The following RBM19 variants were observed in gnomAD, a reference collection of about 807,000 sequenced individuals.
RBM19 encodes the protein probable RNA-binding protein 19.
A neutral mutation model predicts 116.8 loss-of-function variants in RBM19; 94 were observed. The observed-to-expected ratio is 0.80, with a 90% CI of 0.68 to 0.95. RBM19 has a LOEUF of 0.95. Ranked by LOEUF, RBM19 falls within the 40% of genes least tolerant of loss-of-function variation. RBM19 has a pLI of 0.00. For synonymous variants in RBM19, 475 were observed against 494.1 expected (o/e 0.96, Z 0.51); for missense variants, 1,161 against 1,220.7 (o/e 0.95, Z 0.73).
chr12:113,836,377 C>CA (rs1228970108), intron 23 of RBM19, among the ~76,000 whole-genome samples: 1 of 152,172 alleles, frequency 6.6e-6, no homozygotes, highest in African/African-American at 2.4e-5. Context: ...CAATGACTTT[C>CA]AAAGCCCTGT....
At chr12:113,821,405 C>G (rs987993821), downstream of RBM19, among the ~76,000 whole-genome samples, 2 of 152,152 alleles carry the variant, frequency 1.3e-5, no homozygotes, top group African/African-American at 2.4e-5. Flanking sequence ...CCAGAAGGAG[C>G]CATGTGCCGC....
At chr12:113,888,930 C>T (rs1354954590) in intron 21 of RBM19, among the ~76,000 whole-genome samples, 3 of 152,186 alleles carry the variant, frequency 2.0e-5, no homozygotes, top group Non-Finnish European at 4.4e-5. Flanking sequence ...TGGTACTGCC[C>T]CCCTGAAAGC....
intron 21 of RBM19, among the ~76,000 whole-genome samples, chr12:113,882,911 T>C (rs1880248739): frequency 6.6e-6 from 1 of 152,184 alleles, no homozygotes; most frequent in Admixed American, 6.5e-5. Flanking sequence ...TGTGGTCACG[T>C]TGTCAATAAT....
At chr12:113,899,822 T>C (rs1881567558) in intron 21 of RBM19, among the ~76,000 whole-genome samples, 1 of 151,648 alleles carries the variant, frequency 6.6e-6, no homozygotes, top group African/African-American at 2.4e-5. Context: ...CCACCCAGAA[T>C]GCTGGAAGAC....
intron 20 of RBM19, among the ~76,000 whole-genome samples, chr12:113,917,264 A>C (rs1882823703): frequency 6.6e-6 from 1 of 152,216 alleles, no homozygotes; most frequent in Non-Finnish European, 1.5e-5. Flanking sequence ...TACTGGAAAG[A>C]AACTGCTGGC....
chr12:113,874,601 A>G (rs1285787602), intron 21 of RBM19, among the ~76,000 whole-genome samples: 1 of 152,218 alleles, frequency 6.6e-6, no homozygotes. Context: ...GACAGTAACC[A>G]GCTTCAGCCC....
rs148365033 is a variant in RBM19 at position 113,960,550 on chromosome 12, C to T, written c.220-372G>A. Among the ~76,000 whole-genome samples the T allele has an allele frequency of 7.2e-5, 11 of 152,266 alleles. No homozygotes were observed. The East Asian group carries it at 1.9e-3, about 27-fold the overall frequency. ...AATTGGAGCATCAAGAAGTCAATTT[C>T]CCTGGCTTACCCAGGTAATAAGTGA... is the stretch of plus-strand genomic sequence containing the variant. On this transcript the variant is annotated intron_variant, in intron 2 of 23. Coordinates refer to ENST00000261741, the MANE Select transcript of RBM19 (RefSeq NM_016196.4).
chr12:113,960,510 C>T (rs1470284852), intron 2 of RBM19, among the ~76,000 whole-genome samples: 1 of 152,178 alleles, frequency 6.6e-6, no homozygotes, highest in Admixed American at 6.5e-5. Flanking sequence ...TGACTTTCTA[C>T]AATTCAGATC....
intron 16 of RBM19, among the ~76,000 whole-genome samples, chr12:113,933,102 T>C (rs1048972902): frequency 3.3e-5 from 5 of 151,780 alleles, no homozygotes; most frequent in Admixed American, 2.6e-4. Flanking sequence ...AGGGTCTTGG[T>C]TGTGGGGAGA....
intron 21 of RBM19, among the ~76,000 whole-genome samples, chr12:113,885,448 A>G (rs1880449073): frequency 6.6e-6 from 1 of 152,224 alleles, no homozygotes. Flanking sequence ...ATGGAATGTA[A>G]CGTGTGGTTC....
intron 16 of RBM19, among the ~76,000 whole-genome samples, chr12:113,927,742 G>A (rs904576945): frequency 6.6e-6 from 1 of 152,070 alleles, no homozygotes; most frequent in Non-Finnish European, 1.5e-5. Context: ...ACATACCATC[G>A]AAATCCCTCA....
chr12:113,826,208 T>C (rs1874845269), intron 23 of RBM19, among the ~76,000 whole-genome samples: 1 of 152,176 alleles, frequency 6.6e-6, no homozygotes, highest in Non-Finnish European at 1.5e-5. Flanking sequence ...CACTTCCTAA[T>C]CCCTTTCCTG....
At chr12:113,908,290 G>A (rs561733788) in intron 21 of RBM19, among the ~76,000 whole-genome samples, 2 of 152,220 alleles carry the variant, frequency 1.3e-5, no homozygotes, top group South Asian at 2.1e-4. Flanking sequence ...GGAGTCAATC[G>A]GGCAGTGACC....
intron 23 of RBM19, among the ~76,000 whole-genome samples, chr12:113,834,712 T>G (rs1875721522): frequency 6.6e-6 from 1 of 152,164 alleles, no homozygotes; most frequent in Non-Finnish European, 1.5e-5. Context: ...GAGGGCAATT[T>G]GGGATTTAGG....
intron 21 of RBM19, among the ~76,000 whole-genome samples, chr12:113,879,904 A>C (rs1287988873): frequency 1.3e-5 from 2 of 152,012 alleles, no homozygotes; most frequent in African/African-American, 4.8e-5. Context: ...GAGGGTGAGC[A>C]GAGAGGGGCT....
At chr12:113,902,476 G>A (rs1028010327) in intron 21 of RBM19, among the ~76,000 whole-genome samples, 5 of 151,684 alleles carry the variant, frequency 3.3e-5, no homozygotes, top group African/African-American at 9.7e-5. Flanking sequence ...GTGCATGCCT[G>A]TAATCTCAGC....
intron 21 of RBM19, among the ~76,000 whole-genome samples, chr12:113,896,201 G>A (rs146301261): frequency 1.3e-5 from 2 of 152,352 alleles, no homozygotes; most frequent in African/African-American, 2.4e-5. Flanking sequence ...GAGGATGGAA[G>A]TGAAAACAAA....
intron 21 of RBM19, among the ~76,000 whole-genome samples, chr12:113,900,586 C>G (rs952729643): frequency 3.3e-5 from 5 of 152,152 alleles, no homozygotes; most frequent in Admixed American, 2.0e-4. Flanking sequence ...AGCAGCAGGG[C>G]CCAGGCCAGA....
chr12:113,910,460 G>A (rs1882358546), intron 21 of RBM19, among the ~76,000 whole-genome samples: 2 of 152,210 alleles, frequency 1.3e-5, no homozygotes, highest in Admixed American at 1.3e-4. Flanking sequence ...TCAAGATGGT[G>A]ACAGCAGTGC....
Sources: gnomAD v4.1 joint callset for allele counts (sites outside exome capture counted in the v4.1 genomes callset) on GRCh38, gnomAD v4.1.1 for gene constraint, MANE v1.5 for transcripts, NCBI Gene and HGNC (gene_info 2026-07-23, HGNC 2026-07-21) for gene names.